BMPR1A: variants seen among roughly 807,000 people sequenced by gnomAD.
BMPR1A encodes the protein bone morphogenetic protein receptor type-1A.
A neutral mutation model predicts 66.0 loss-of-function variants in BMPR1A; 7 were observed. The observed-to-expected ratio is 0.11, with a 90% confidence interval of 0.06 to 0.20. The LOEUF is 0.20. Among genes scored for constraint, BMPR1A ranks in the 10% least tolerant of loss-of-function variants. The pLI is 1.00. For missense variants in BMPR1A, 408 were observed against 669.1 expected (o/e 0.61, Z 4.31); for synonymous variants, 200 against 229.7 (o/e 0.87, Z 1.17).
chr10:86,823,650 G>T (rs1300175184), intron 1 of BMPR1A, among the ~76,000 whole-genome samples: 1 of 152,188 alleles, frequency 6.6e-6, no homozygotes, highest in African/African-American at 2.4e-5. Flanking sequence ...TGTGCTGTGG[G>T]CATGGGCCTT....
intron 1 of BMPR1A, among the ~76,000 whole-genome samples, chr10:86,757,495 C>T (rs1847895464): frequency 6.6e-6 from 1 of 152,168 alleles, no homozygotes; most frequent in African/African-American, 2.4e-5. Context: ...GCTGGATTGC[C>T]TGGACCCTTT....
intron 1 of BMPR1A, among the ~76,000 whole-genome samples, chr10:86,812,329 T>C (rs1841982707): frequency 6.6e-6 from 1 of 152,184 alleles, no homozygotes; most frequent in African/African-American, 2.4e-5. Context: ...GTCATCCAGG[T>C]TGTTGCATGT....
At chr10:86,889,829 G>A in intron 3 of BMPR1A, 2 of 527,538 alleles carry the variant, frequency 3.8e-6, no homozygotes, top group East Asian at 3.3e-5. Context: ...TTTCACTAGT[G>A]CAAAAATTGT....
chr10:86,878,105 A>G (rs1290387265), intron 3 of BMPR1A, among the ~76,000 whole-genome samples: 1 of 152,194 alleles, frequency 6.6e-6, no homozygotes, highest in Non-Finnish European at 1.5e-5. Flanking sequence ...TTTCTGAGAG[A>G]TCATTAGGAA....
chr10:86,904,402 C>G (rs77324551), intron 7 of BMPR1A, among the ~76,000 whole-genome samples: 44 of 152,296 alleles, frequency 2.9e-4, no homozygotes, highest in African/African-American at 9.9e-4. Flanking sequence ...TGACAGCAGA[C>G]CTTCTGTTGG....
At chr10:86,856,763 C>T (rs1055547537) in intron 2 of BMPR1A, among the ~76,000 whole-genome samples, 2 of 152,138 alleles carry the variant, frequency 1.3e-5, no homozygotes, top group African/African-American at 4.8e-5. Context: ...GCCCTTGCTG[C>T]GAGTACAAGT....
intron 2 of BMPR1A, among the ~76,000 whole-genome samples, chr10:86,866,400 T>TTTTGTTTTTTC (rs1564707588): frequency 2.6e-5 from 2 of 75,640 alleles, no homozygotes; most frequent in Non-Finnish European, 4.8e-5. Context: ...AGTTTCTTTC[T>TTTTGTTTTTTC]TTTTTTTTTT....
chr10:86,833,890 A>G (rs1232238538), intron 1 of BMPR1A, among the ~76,000 whole-genome samples: 1 of 152,202 alleles, frequency 6.6e-6, no homozygotes, highest in Non-Finnish European at 1.5e-5. Context: ...ACACGTTAAG[A>G]TGATTCTAGG....
intron 5 of BMPR1A, among the ~76,000 whole-genome samples, chr10:86,898,750 C>A (rs1322482180): frequency 6.6e-6 from 1 of 152,154 alleles, no homozygotes; most frequent in Non-Finnish European, 1.5e-5. Flanking sequence ...TTTTTGGATG[C>A]TTGACACTTC....
At chr10:86,848,501 A>G (rs567323121) in intron 2 of BMPR1A, among the ~76,000 whole-genome samples, 1 of 151,994 alleles carries the variant, frequency 6.6e-6, no homozygotes, top group Admixed American at 6.6e-5. Flanking sequence ...TGAACTTTCT[A>G]GATAATTTCA....
Position 86,822,705 on chromosome 10 carries a change from C to T in BMPR1A, c.-267-16160C>T, listed in dbSNP as rs183578022. ...AGGCTGGAGTGCAGTGGCGCGATCT[C>T]GGCTCACTGCAACCTCTGCCTCCTG... On this transcript the variant is annotated intron_variant, in intron 1 of 12. Transcript: ENST00000372037. 4.9e-3 allele frequency among the ~76,000 whole-genome samples: 741 copies of T among 151,992 alleles called. 4 individuals are homozygous for T. The highest frequency in any genetic ancestry group is 0.017 in the African/African-American group (699 of 41,452).
At chr10:86,777,842 C>T (rs769985051) in intron 1 of BMPR1A, among the ~76,000 whole-genome samples, 6 of 151,680 alleles carry the variant, frequency 4.0e-5, no homozygotes, top group Admixed American at 1.3e-4. Context: ...GGAGAAACCC[C>T]GTCTCTACTA....
chr10:86,930,023 C>T (rs898580189), downstream of BMPR1A: 1 of 152,256 alleles, frequency 6.6e-6, no homozygotes, highest in Non-Finnish European at 1.5e-5. Flanking sequence ...AGCCTTGGCT[C>T]AGCGCTTGGA....
At chr10:86,857,633 C>G (rs1442522659) in intron 2 of BMPR1A, among the ~76,000 whole-genome samples, 3 of 151,770 alleles carry the variant, frequency 2.0e-5, no homozygotes, top group Non-Finnish European at 2.9e-5. Context: ...AATACACTTC[C>G]ATGTGGCATA....
At chr10:86,768,008 G>A (rs1841195603) in intron 1 of BMPR1A, among the ~76,000 whole-genome samples, 1 of 152,196 alleles carries the variant, frequency 6.6e-6, no homozygotes, top group Middle Eastern at 3.2e-3. Flanking sequence ...CCCCTAGTAA[G>A]ATGGTACACA....
At chr10:86,856,317 C>A (rs1439239574) in intron 2 of BMPR1A, 4 of 460,616 alleles carry the variant, frequency 8.7e-6, no homozygotes, top group African/African-American at 2.0e-5. Flanking sequence ...GAGCCCTGGC[C>A]CTCTGCAGCC....
At chr10:86,901,952 A>G (rs1196275365) in intron 7 of BMPR1A, among the ~76,000 whole-genome samples, 5 of 152,102 alleles carry the variant, frequency 3.3e-5, no homozygotes, top group Admixed American at 3.3e-4. Context: ...TCTGCCTCCC[A>G]GGTTCAAGCG....
chr10:86,781,394 CTG>C (rs1158251770), intron 1 of BMPR1A, among the ~76,000 whole-genome samples: 7 of 152,112 alleles, frequency 4.6e-5, no homozygotes, highest in Non-Finnish European at 8.8e-5. Context: ...GTGTATGTAT[CTG>C]TTTTTAATGC....
chr10:86,896,257 G>A lies in BMPR1A; in HGVS notation c.334-3537G>A, dbSNP rs548282804. ...TGAGATCATGCAACTCCACTCTAGT[G>A]TGCGGAGTGATAGCTAGATCTTCTA... On this transcript the variant is annotated intron_variant, in intron 5 of 12. Transcript: ENST00000372037. 4.0e-5 allele frequency among the ~76,000 whole-genome samples: 6 copies of A among 151,362 alleles called. No individual in the cohort carries two copies. The South Asian group carries it at 6.3e-4, about 16-fold the overall frequency.
Sources: gnomAD v4.1 joint callset for allele counts (sites outside exome capture counted in the v4.1 genomes callset) on GRCh38, gnomAD v4.1.1 for gene constraint, MANE v1.5 for transcripts, NCBI Gene and HGNC (gene_info 2026-07-23, HGNC 2026-07-21) for gene names.